Variants in PITPNA observed in about 807,000 individuals in gnomAD.
PITPNA encodes the protein phosphatidylinositol transfer protein alpha isoform.
In PITPNA, 13 loss-of-function variants were observed where a neutral mutation model predicts 50.3. That is an observed-to-expected ratio of 0.26 (90% confidence interval 0.17 to 0.41). The LOEUF (loss-of-function observed/expected upper bound fraction) is 0.41. Among genes scored for constraint, PITPNA ranks in the 10% least tolerant of loss-of-function variants. PITPNA has a pLI of 1.00. For missense variants in PITPNA, 207 were observed against 333.4 expected, an observed-to-expected ratio of 0.62 and a Z score of 2.95; for synonymous variants, 120 against 119.6, an observed-to-expected ratio of 1.00 and a Z score of -0.02.
At chr17:1,530,428 G>A (rs1471441187) in intron 10 of PITPNA, among the ~76,000 whole-genome samples, 1 of 152,172 alleles carries the variant, frequency 6.6e-6, no homozygotes, top group African/African-American at 2.4e-5. Flanking sequence ...TTAGGGCGAA[G>A]AACTAATCTC....
At chr17:1,527,789 A>G (rs1461158929) in intron 10 of PITPNA, among the ~76,000 whole-genome samples, 1 of 152,234 alleles carries the variant, frequency 6.6e-6, no homozygotes, top group East Asian at 1.9e-4. Context: ...AGATGTTACC[A>G]TTGGCAAAAA....
chr17:1,562,660 G>T lies in PITPNA; in HGVS notation c.-100C>A. ...GGCCCGGCCCGGCCCGGCTGCCTGTGCGTCTTCGTCGTGCTCTGCTCCGTC... is the reference window on the plus strand; with the variant it reads ...GGCCCGGCCCGGCCCGGCTGCCTGTTCGTCTTCGTCGTGCTCTGCTCCGTC... On this transcript the variant is annotated 5_prime_UTR_variant, in exon 1 of 12. Transcript: ENST00000313486. This position sits in a 1 kb window ranked among gnomAD's most constrained non-coding sequence, Gnocchi z 6.4. 2.3e-6 allele frequency: 2 copies of T among 855,038 alleles called. No individual in the cohort carries two copies. Among genetic ancestry groups the T allele is most frequent in the Non-Finnish European group, 1.5e-6 (1 of 673,300 alleles). The allele number at this position is 855,038 out of a possible 1,614,324, so 53.0% of individuals were successfully genotyped here.
chr17:1,518,193 A>G lies in PITPNA; in HGVS notation c.*2368T>C, dbSNP rs1359867230. 1 of 152,414 alleles carries G rather than the reference A, an allele frequency of 6.6e-6. No homozygotes were observed. Among genetic ancestry groups the G allele is most frequent in the African/African-American group, 2.4e-5 (1 of 41,450 alleles). 9.4% of individuals were successfully genotyped at this position (152,414 alleles called of 1,614,324 possible). On this transcript the variant is annotated 3_prime_UTR_variant, in exon 12 of 12. Transcript: ENST00000313486. Reference sequence around the variant, plus strand: ...GGACTGTAAAAGAACTTGGGAAGCTATACACATGCCCACGATACTGACCCT... The same window carrying G: ...GGACTGTAAAAGAACTTGGGAAGCTGTACACATGCCCACGATACTGACCCT...
chr17:1,552,357 C>T (rs1170163722), intron 3 of PITPNA, among the ~76,000 whole-genome samples: 1 of 152,226 alleles, frequency 6.6e-6, no homozygotes, highest in Non-Finnish European at 1.5e-5. Flanking sequence ...TTAATACCAT[C>T]AACGCCCTTT....
intron 7 of PITPNA, among the ~76,000 whole-genome samples, chr17:1,537,133 G>A (rs1207535736): frequency 2.7e-5 from 4 of 148,186 alleles, no homozygotes; most frequent in South Asian, 2.1e-4. Context: ...GCATGATCTC[G>A]GCTCACTGCA....
At chr17:1,549,737 C>A (rs950933909) in intron 3 of PITPNA, among the ~76,000 whole-genome samples, 1 of 144,058 alleles carries the variant, frequency 6.9e-6, no homozygotes, top group Non-Finnish European at 1.5e-5. Context: ...TGCAGTGGCA[C>A]GACCTCAGCT....
intron 7 of PITPNA, among the ~76,000 whole-genome samples, chr17:1,537,714 C>T (rs889114979): frequency 1.3e-5 from 2 of 152,090 alleles, no homozygotes; most frequent in Non-Finnish European, 2.9e-5. Context: ...AATCCACCAA[C>T]GTTTTGAAGG....
intron 4 of PITPNA, 94 bp downstream of exon 4, chr17:1,548,202 G>A (rs1006358739): frequency 7.8e-6 from 6 of 769,322 alleles, no homozygotes; most frequent in East Asian, 7.8e-5. Flanking sequence ...GACCCAGCCC[G>A]AGCCTTTCCC....
intron 2 of PITPNA, 89 bp from the exon 3 acceptor site, chr17:1,553,238 C>G: frequency 7.1e-7 from 1 of 1,410,248 alleles, no homozygotes; most frequent in Non-Finnish European, 9.9e-7. Flanking sequence ...CTAACTGGAT[C>G]TCCCTGGGGT....
At chr17:1,549,240 A>G (rs1042253324) in intron 3 of PITPNA, among the ~76,000 whole-genome samples, 3 of 149,328 alleles carry the variant, frequency 2.0e-5, no homozygotes, top group African/African-American at 7.4e-5. Context: ...GTTACAGAAC[A>G]ACATGTACAG....
chr17:1,544,353 G>A (rs1360942493), intron 4 of PITPNA, among the ~76,000 whole-genome samples: 1 of 152,134 alleles, frequency 6.6e-6, no homozygotes, highest in Admixed American at 6.5e-5. Context: ...CTGGCGCTGG[G>A]GTTTTTACAC....
chr17:1,534,204 A>G lies in PITPNA; in HGVS notation c.663T>C (p.Phe221=), dbSNP rs1183561566. The G allele has an allele frequency of 9.9e-6, 16 of 1,613,900 alleles. No individual in the cohort carries two copies. The highest frequency in any genetic ancestry group is 1.2e-5 in the Non-Finnish European group (14 of 1,179,840). The change falls in exon 10 of 12, where the codon TTT becomes TTC. Residue 221 remains phenylalanine (F), a synonymous_variant. Coordinates refer to ENST00000313486, the MANE Select transcript of PITPNA (RefSeq NM_006224.4). The part of the protein sequence containing the change: ...NFIHKQERRL[F]TNFHRQLFCW... ...AGAACAGCTGCCTGTGGAAGTTTGT[A>G]AACAGACGCCTCTCTTGCTATAGAA...
chr17:1,520,274 C>G lies in PITPNA; in HGVS notation c.*287G>C, dbSNP rs746052728. On this transcript the variant is annotated 3_prime_UTR_variant, in exon 12 of 12. Transcript: ENST00000313486. ...GTTGGGGGAACACACAGAAATGGAT[C>G]GGAACACAATGGAGAGAGACGGAGG... is the stretch of plus-strand genomic sequence containing the variant. 1 of 152,178 alleles carries G rather than the reference C, an allele frequency of 6.6e-6. No homozygotes were observed. Among genetic ancestry groups the G allele is most frequent in the Non-Finnish European group, 1.5e-5 (1 of 68,004 alleles). 9.4% of individuals were successfully genotyped at this position (152,178 alleles called of 1,614,324 possible).
chr17:1,550,180 G>T (rs953754905), intron 3 of PITPNA, among the ~76,000 whole-genome samples: 2 of 152,198 alleles, frequency 1.3e-5, no homozygotes, highest in African/African-American at 4.8e-5. Context: ...GACACACAGA[G>T]AAACCAAACA....
chr17:1,528,944 C>T (rs60461311), intron 10 of PITPNA, among the ~76,000 whole-genome samples: 6,719 of 149,336 alleles, frequency 0.045, 512 homozygotes, highest in African/African-American at 0.16. Flanking sequence ...TCAAGACCAT[C>T]CTGGCCAACA....
chr17:1,525,116 A>G (rs897901783), intron 10 of PITPNA, among the ~76,000 whole-genome samples: 2 of 151,768 alleles, frequency 1.3e-5, no homozygotes, highest in African/African-American at 4.8e-5. Context: ...CAGCCTCCTG[A>G]GTAGCTGGGA....
At chr17:1,521,782 T>A in intron 10 of PITPNA, 137 bp from the exon 11 acceptor site, 1 of 699,568 alleles carries the variant, frequency 1.4e-6, no homozygotes, top group Non-Finnish European at 2.6e-6. Flanking sequence ...GAATTCTGCA[T>A]ATGGACTCGA....
At chr17:1,532,387 G>A (rs2075589138) in intron 10 of PITPNA, among the ~76,000 whole-genome samples, 1 of 151,210 alleles carries the variant, frequency 6.6e-6, no homozygotes, top group Admixed American at 6.6e-5. Flanking sequence ...GTGCCTGGCC[G>A]AGAAAGATTT....
Position 1,535,520 on chromosome 17 carries a change from TG to T in PITPNA, c.457-3del, listed in dbSNP as rs1346450411. 1.2e-6 allele frequency: 2 copies of T among 1,607,062 alleles called. No homozygotes were observed. Among genetic ancestry groups the T allele is most frequent in the Non-Finnish European group, 1.7e-6 (2 of 1,173,618 alleles). Reference sequence around the variant, plus strand: ...TGGGTCTTCCTCTGCCTTGTAATCCTGAGAGAAATTGTGGAATTGGGGTTGG... The same window carrying T: ...TGGGTCTTCCTCTGCCTTGTAATCCTAGAGAAATTGTGGAATTGGGGTTGG... On this transcript the variant is annotated splice_region_variant and splice_polypyrimidine_tract_variant and intron_variant, in intron 7 of 11. Coordinates refer to ENST00000313486, the MANE Select transcript of PITPNA (RefSeq NM_006224.4).
Sources: allele counts gnomAD v4.1 joint callset (sites outside exome capture counted in the v4.1 genomes callset), GRCh38; gene constraint gnomAD v4.1.1; non-coding constraint Gnocchi (gnomAD v3.1); transcripts MANE v1.5; gene names NCBI Gene and HGNC (gene_info 2026-07-23, HGNC 2026-07-21).